RNF216: variants seen among roughly 807,000 people sequenced by gnomAD.
RNF216 encodes the protein ring finger protein 216.
Under a neutral mutation model 110.8 loss-of-function variants are expected in RNF216, and 72 were observed. The observed-to-expected ratio is 0.65, with a 90% CI of 0.54 to 0.79. The LOEUF is 0.79. Among genes scored for constraint, RNF216 ranks in the 30% least tolerant of loss-of-function variants. The probability of loss-of-function intolerance (pLI) is 0.00; values close to 1 mark genes in which losing one functional copy is unlikely to be tolerated. For missense variants in RNF216, 1,342 were observed against 1,141.2 expected (o/e 1.18, Z -2.54); for synonymous variants, 495 against 407.5 (o/e 1.21, Z -2.59).
rs144521867 is a variant in RNF216 at position 5,624,679 on chromosome 7, C to T, written c.2383-554G>A. ...GTGCGACAGTGAGGATGGTCCCCCT[C>T]GGACCTTGCCGTCTCTTCTCCCAAA... is the stretch of plus-strand genomic sequence containing the variant. On this transcript the variant is annotated intron_variant, in intron 15 of 16. Transcript: ENST00000389902. The surrounding 1 kb of genome is among the most constrained non-coding windows in gnomAD (Gnocchi z 4.4). Among the ~76,000 whole-genome samples, 100 of 152,356 alleles carry T rather than the reference C, an allele frequency of 6.6e-4. 1 individual carries two copies. The highest frequency in any genetic ancestry group is 1.9e-3 in the African/African-American group (78 of 41,580).
intron 13 of RNF216, among the ~76,000 whole-genome samples, chr7:5,704,053 A>G (rs778092238): frequency 6.6e-6 from 1 of 152,196 alleles, no homozygotes; most frequent in Non-Finnish European, 1.5e-5. Flanking sequence ...TGAATTCTTT[A>G]TCTGAGAACA....
intron 13 of RNF216, among the ~76,000 whole-genome samples, chr7:5,675,821 T>G (rs1309029552): frequency 6.6e-6 from 1 of 150,564 alleles, no homozygotes; most frequent in Non-Finnish European, 1.5e-5. Context: ...GAGATTCTCC[T>G]GCCTCAGCCT....
At chr7:5,770,868 T>G (rs1206426271) in intron 1 of RNF216, among the ~76,000 whole-genome samples, 1 of 151,538 alleles carries the variant, frequency 6.6e-6, no homozygotes. Context: ...AGTGCAGTGG[T>G]GTGATCTCGG....
chr7:5,682,569 G>C (rs1220860789), intron 13 of RNF216, among the ~76,000 whole-genome samples: 1 of 151,878 alleles, frequency 6.6e-6, no homozygotes, highest in Non-Finnish European at 1.5e-5. Context: ...CACCATGCCG[G>C]GCTATTTTTG....
In RNF216 at chr7:5,711,851, A is replaced by C; in HGVS notation, c.1983-12T>G. 6.2e-7 allele frequency: 1 copy of C among 1,610,640 alleles called. No individual in the cohort carries two copies. The highest frequency in any genetic ancestry group is 8.5e-7 in the Non-Finnish European group (1 of 1,177,234). ...TACAGGACGGGCACCTAGAGTCAGA[A>C]CAGCAGAACTGACATTACTTCAAAC... On this transcript the variant is annotated splice_polypyrimidine_tract_variant and intron_variant, in intron 12 of 16. Coordinates refer to ENST00000389902, the MANE Select transcript of RNF216 (RefSeq NM_207111.4).
chr7:5,777,243 G>A (rs1034903680), intron 1 of RNF216, among the ~76,000 whole-genome samples: 2 of 152,212 alleles, frequency 1.3e-5, no homozygotes, highest in African/African-American at 4.8e-5. Flanking sequence ...AATGGCCCAG[G>A]TGAGCACTTC....
chr7:5,705,798 T>C (rs892111740), intron 13 of RNF216, among the ~76,000 whole-genome samples: 6 of 151,822 alleles, frequency 4.0e-5, no homozygotes, highest in Admixed American at 2.0e-4. Context: ...TCACAGCTAC[T>C]CGGGAGGCTG....
chr7:5,721,017 G>C lies in RNF216; in HGVS notation c.1644+16C>G, dbSNP rs748340518. ...ATCCCAGAAACACACCCCAAGACCA[G>C]AGCACATCTTCCTACCTCTGCCATC... On this transcript the variant is annotated intron_variant, in intron 9 of 16. Transcript: ENST00000389902. 1.9e-6 allele frequency: 3 copies of C among 1,613,874 alleles called. No homozygotes were observed. The highest frequency in any genetic ancestry group is 2.5e-6 in the Non-Finnish European group (3 of 1,179,824).
rs1790936880 is a variant in RNF216 at position 5,685,730 on chromosome 7, G to A, written c.2061+26031C>T. Among the ~76,000 whole-genome samples the A allele has an allele frequency of 3.3e-5, 5 of 152,350 alleles. No homozygotes were observed. In the South Asian group the frequency reaches 1.0e-3, roughly 32 times the overall value. On this transcript the variant is annotated intron_variant, in intron 13 of 16. Transcript: ENST00000389902. ...CACATGGCAAGTCACCAGCACTGCA[G>A]ATGCCCATCTCAGTAGCTAAATCAA...
chr7:5,633,300 G>A (rs903771771), intron 15 of RNF216, among the ~76,000 whole-genome samples: 3 of 152,134 alleles, frequency 2.0e-5, no homozygotes, highest in African/African-American at 7.2e-5. Context: ...GTAAGGCCGG[G>A]TGCGGTGGCT....
rs1291460521 is a variant in RNF216, at chr7:5,729,470, G to A, written c.1351C>T (p.Leu451=). Residue 451 remains leucine, a synonymous_variant, in exon 7 of 17, where the codon CTG becomes TTG. Coordinates refer to ENST00000389902, the MANE Select transcript of RNF216 (RefSeq NM_207111.4). ...VLSSQDIKWA[L]HELKGHYAIT... ...GCATAGTGTCCTTTGAGCTCGTGCAGGGCCCACTTGATGTCCTGACTACTG... is the reference window on the plus strand; with the variant it reads ...GCATAGTGTCCTTTGAGCTCGTGCAAGGCCCACTTGATGTCCTGACTACTG... The A allele has an allele frequency of 1.2e-6, 2 of 1,614,044 alleles. No individual in the cohort carries two copies. The highest frequency in any genetic ancestry group is 2.2e-5 in the East Asian group (1 of 44,878).
At chr7:5,682,412 CT>C (rs775691792) in intron 13 of RNF216, among the ~76,000 whole-genome samples, 283 of 140,518 alleles carry the variant, frequency 2.0e-3, no homozygotes, top group Admixed American at 2.4e-3. Flanking sequence ...CATTTTTTTT[CT>C]TTTTTTTTTT....
At chr7:5,769,106 T>C (rs1363708918) in intron 1 of RNF216, among the ~76,000 whole-genome samples, 2 of 147,602 alleles carry the variant, frequency 1.4e-5, no homozygotes, top group Admixed American at 1.4e-4. Flanking sequence ...AGACACAATT[T>C]ACAGTTCCAA....
At chr7:5,748,611 T>TACACACACACACAC (rs10588945) in intron 3 of RNF216, among the ~76,000 whole-genome samples, 3 of 143,054 alleles carry the variant, frequency 2.1e-5, no homozygotes, top group East Asian at 4.2e-4. Flanking sequence ...TTTATATACA[T>TACACACACACACAC]ACACACACAC....
intron 3 of RNF216, among the ~76,000 whole-genome samples, chr7:5,743,078 T>C (rs1238566851): frequency 6.6e-6 from 1 of 151,972 alleles, no homozygotes; most frequent in East Asian, 1.9e-4. Context: ...CTGGCCAACA[T>C]GGTGAAAATC....
chr7:5,693,868 G>C (rs1304057438), intron 13 of RNF216, among the ~76,000 whole-genome samples: 1 of 152,122 alleles, frequency 6.6e-6, no homozygotes, highest in East Asian at 1.9e-4. Context: ...TGGCCAACAA[G>C]GAGATGCTAT....
intron 13 of RNF216, among the ~76,000 whole-genome samples, chr7:5,664,151 T>C (rs1051654161): frequency 6.6e-6 from 1 of 152,174 alleles, no homozygotes; most frequent in African/African-American, 2.4e-5. Flanking sequence ...ATGCAGAGAG[T>C]TGTTTTTTTG....
chr7:5,666,964 G>T (rs1789571413), intron 13 of RNF216, among the ~76,000 whole-genome samples: 3 of 152,092 alleles, frequency 2.0e-5, no homozygotes, highest in Admixed American at 6.6e-5. Flanking sequence ...ACAGGCACAT[G>T]CCACCATACC....
chr7:5,701,043 C>T (rs1208441337), intron 13 of RNF216, among the ~76,000 whole-genome samples: 1 of 152,058 alleles, frequency 6.6e-6, no homozygotes, highest in African/African-American at 2.4e-5. Context: ...AACATGAAAC[C>T]TGAGAGAAGG....
Sources: allele counts gnomAD v4.1 joint callset (sites outside exome capture counted in the v4.1 genomes callset), GRCh38; gene constraint gnomAD v4.1.1; non-coding constraint Gnocchi (gnomAD v3.1); transcripts MANE v1.5; gene names NCBI Gene and HGNC (gene_info 2026-07-23, HGNC 2026-07-21).